The following SPTLC3 variants were observed in gnomAD, a reference collection of about 807,000 sequenced individuals.
The protein encoded by SPTLC3 is serine palmitoyltransferase 3.
A neutral mutation model predicts 59.3 loss-of-function variants in SPTLC3; 36 were observed. The observed-to-expected ratio is 0.61, with a 90% CI of 0.47 to 0.80. The LOEUF is 0.80. Ranked by LOEUF, SPTLC3 falls within the 30% of genes least tolerant of loss-of-function variation. SPTLC3 has a pLI of 0.00. For synonymous variants in SPTLC3, 257 were observed against 240.8 expected, an observed-to-expected ratio of 1.07 and a Z score of -0.62; for missense variants, 625 against 685.1, an observed-to-expected ratio of 0.91 and a Z score of 0.98.
At chr20:13,064,204 T>A (rs933449272) in intron 2 of SPTLC3, among the ~76,000 whole-genome samples, 1 of 151,806 alleles carries the variant, frequency 6.6e-6, no homozygotes, top group Non-Finnish European at 1.5e-5. Flanking sequence ...CAATTTTTTT[T>A]AACGATATTT....
intron 6 of SPTLC3, among the ~76,000 whole-genome samples, chr20:13,105,393 T>A (rs1324921267): frequency 6.6e-6 from 1 of 152,150 alleles, no homozygotes; most frequent in Non-Finnish European, 1.5e-5. Context: ...CACAACGAAG[T>A]CCCTGACTTG....
At chr20:13,097,308 C>T (rs1039660686) in intron 6 of SPTLC3, among the ~76,000 whole-genome samples, 3 of 151,990 alleles carry the variant, frequency 2.0e-5, no homozygotes, top group Non-Finnish European at 4.4e-5. Flanking sequence ...AACAATCATG[C>T]TAAGAATGTA....
In SPTLC3 at chr20:13,066,124, A is replaced by C. The variant is rs1018230624; in HGVS notation, c.304-6132A>C. ...TTCTACTCTCTGCTCCTATGATTTC[A>C]ATGTTTTTAGATTTCACACGTAAGT... On this transcript the variant is annotated intron_variant, in intron 2 of 11. Transcript: ENST00000399002. 2.6e-5 allele frequency among the ~76,000 whole-genome samples: 4 copies of C among 152,354 alleles called. No homozygotes were observed. In the East Asian group the frequency reaches 7.7e-4, roughly 29 times the overall value.
intron 10 of SPTLC3, among the ~76,000 whole-genome samples, chr20:13,158,083 T>C (rs533328363): frequency 6.6e-6 from 1 of 152,352 alleles, no homozygotes; most frequent in South Asian, 2.1e-4. Flanking sequence ...TATATTGTAT[T>C]TGGTACTTGG....
chr20:13,016,161 G>T (rs1391619648), intron 1 of SPTLC3, among the ~76,000 whole-genome samples: 1 of 151,828 alleles, frequency 6.6e-6, no homozygotes, highest in Non-Finnish European at 1.5e-5. Flanking sequence ...AAATACAAAA[G>T]GTAAGGAAAG....
intron 10 of SPTLC3, among the ~76,000 whole-genome samples, chr20:13,159,020 G>A (rs537820175): frequency 6.6e-6 from 1 of 152,334 alleles, no homozygotes; most frequent in African/African-American, 2.4e-5. Flanking sequence ...CAGTAGTTAA[G>A]TTTTCCTGCA....
chr20:13,121,733 C>T (rs1226604782), intron 8 of SPTLC3, among the ~76,000 whole-genome samples: 2 of 152,146 alleles, frequency 1.3e-5, no homozygotes, highest in African/African-American at 4.8e-5. Context: ...CCAGAAGTTA[C>T]TCAAAGAGCT....
chr20:13,057,488 G>C (rs1456054813), intron 2 of SPTLC3, among the ~76,000 whole-genome samples: 3 of 151,926 alleles, frequency 2.0e-5, no homozygotes, highest in African/African-American at 4.8e-5. Context: ...AAATTAACGT[G>C]TTGTCCAAAC....
chr20:13,159,982 C>A (rs1267393072), intron 10 of SPTLC3, 21 bp from the exon 11 acceptor site: 5 of 1,441,846 alleles, frequency 3.5e-6, no homozygotes, highest in Non-Finnish European at 4.6e-6. Context: ...TTTTTTTTTT[C>A]TTTTTTTGCT....
intron 1 of SPTLC3, among the ~76,000 whole-genome samples, chr20:13,045,574 G>C (rs1165873296): frequency 1.3e-5 from 2 of 152,080 alleles, no homozygotes; most frequent in Non-Finnish European, 2.9e-5. Flanking sequence ...TTTCCAGATA[G>C]CTTTTTTCTC....
rs1277714015 is a variant in SPTLC3, at chr20:13,056,449, C to CTTT, written c.303+7324_303+7326dup. ...CCCTGTCCATAGACTGACGCTTTAA[C>CTTT]TTTTTTTCTTTTTTTTTTTTTTGAG... On this transcript the variant is annotated intron_variant, in intron 2 of 11. Coordinates refer to ENST00000399002, the MANE Select transcript of SPTLC3 (RefSeq NM_018327.4). 3.3e-5 allele frequency among the ~76,000 whole-genome samples: 2 copies of CTTT among 60,944 alleles called. 1 individual carries two copies. Among genetic ancestry groups the CTTT allele is most frequent in the African/African-American group, 1.3e-4 (2 of 15,090 alleles). The allele number at this position is 60,944 out of a possible 152,430, so 40.0% of individuals were successfully genotyped here.
intron 4 of SPTLC3, among the ~76,000 whole-genome samples, chr20:13,075,796 T>C (rs1216897181): frequency 6.6e-6 from 1 of 152,152 alleles, no homozygotes; most frequent in East Asian, 1.9e-4. Context: ...CCAGGGTTGT[T>C]AATGACCAGC....
chr20:13,156,081 G>C (rs867498168), intron 10 of SPTLC3, among the ~76,000 whole-genome samples: 3 of 152,102 alleles, frequency 2.0e-5, no homozygotes, highest in South Asian at 4.2e-4. Context: ...CACACACACA[G>C]ACACACATAC....
Position 13,110,353 on chromosome 20 carries a change from C to A in SPTLC3, c.932+136C>A, listed in dbSNP as rs142788845. ...TATGACACAGGGACCTGAGACAGAGCCACCAATGGGAGCTGTCAGACGTGG... is the reference window on the plus strand; with the variant it reads ...TATGACACAGGGACCTGAGACAGAGACACCAATGGGAGCTGTCAGACGTGG... On this transcript the variant is annotated intron_variant, in intron 7 of 11. Coordinates refer to ENST00000399002, the MANE Select transcript of SPTLC3 (RefSeq NM_018327.4). 3.8e-4 allele frequency: 253 copies of A among 673,046 alleles called. 1 individual carries two copies. In the African/African-American group the frequency reaches 4.3e-3, roughly 11 times the overall value. The allele number at this position is 673,046 out of a possible 1,614,324, so 41.7% of individuals were successfully genotyped here. A position where few individuals can be genotyped will look rare whatever the true frequency, so the allele number is the denominator to read the frequency against.
chr20:13,029,083 G>T (rs1986299799), intron 1 of SPTLC3, among the ~76,000 whole-genome samples: 1 of 152,156 alleles, frequency 6.6e-6, no homozygotes, highest in South Asian at 2.1e-4. Context: ...CCATGCAAAT[G>T]ATTTGGGGCA....
chr20:13,140,201 G>T (rs946666599), intron 9 of SPTLC3, among the ~76,000 whole-genome samples: 3 of 152,114 alleles, frequency 2.0e-5, no homozygotes, highest in East Asian at 1.9e-4. Context: ...TTGAAGAGGG[G>T]ATGTGATGAG....
At chr20:13,017,377 A>C (rs1477309324) in intron 1 of SPTLC3, among the ~76,000 whole-genome samples, 1 of 152,174 alleles carries the variant, frequency 6.6e-6, no homozygotes, top group East Asian at 1.9e-4. Flanking sequence ...GTGGACTCAC[A>C]CTTAGCCCCA....
intron 1 of SPTLC3, among the ~76,000 whole-genome samples, chr20:13,014,990 C>G (rs1429160194): frequency 1.3e-5 from 2 of 151,980 alleles, no homozygotes; most frequent in African/African-American, 4.8e-5. Context: ...TCTTTTATAA[C>G]CATTTATATG....
intron 10 of SPTLC3, among the ~76,000 whole-genome samples, chr20:13,155,667 A>G (rs1350325186): frequency 6.6e-6 from 1 of 152,078 alleles, no homozygotes; most frequent in East Asian, 1.9e-4. Context: ...TCTACAAAAA[A>G]TACAAAAAAC....
Sources: gnomAD v4.1 joint callset for allele counts (sites outside exome capture counted in the v4.1 genomes callset) on GRCh38, gnomAD v4.1.1 for gene constraint, MANE v1.5 for transcripts, NCBI Gene and HGNC (gene_info 2026-07-23, HGNC 2026-07-21) for gene names.